The following RIMS2 variants were observed in gnomAD, a reference collection of about 807,000 sequenced individuals.
The protein encoded by RIMS2 is regulating synaptic membrane exocytosis 2, also known as regulating synaptic membrane exocytosis protein 2.
RIMS2 carries 59 observed loss-of-function variants against 174.4 expected under a neutral mutation model. The ratio of observed to expected loss-of-function variants is 0.34; its 90% CI spans 0.27 to 0.42. The LOEUF (loss-of-function observed/expected upper bound fraction) is 0.42. Ranked by LOEUF, RIMS2 falls within the 10% of genes least tolerant of loss-of-function variation. The pLI is 1.00. For synonymous variants in RIMS2, 606 were observed against 572.5 expected (o/e 1.06, Z -0.84); for missense variants, 1,620 against 1,666.3 (o/e 0.97, Z 0.48).
chr8:103,900,017 A>G (rs1448427447), intron 4 of RIMS2, among the ~76,000 whole-genome samples: 1 of 151,654 alleles, frequency 6.6e-6, no homozygotes, highest in Non-Finnish European at 1.5e-5. Flanking sequence ...TTTATCAAAG[A>G]TCAGATAGTT....
At chr8:103,552,853 C>G (rs1294388679) in intron 1 of RIMS2, among the ~76,000 whole-genome samples, 4 of 152,182 alleles carry the variant, frequency 2.6e-5, no homozygotes, top group African/African-American at 9.7e-5. Flanking sequence ...AAATGCTCAT[C>G]ATTACTGGCC....
chr8:103,531,686 T>A (rs1007222589), intron 1 of RIMS2, among the ~76,000 whole-genome samples: 2 of 152,240 alleles, frequency 1.3e-5, no homozygotes, highest in African/African-American at 4.8e-5. Flanking sequence ...AAATTCTAAT[T>A]CAAATGCCTT....
At chr8:103,873,476 C>T (rs1013892509) in intron 3 of RIMS2, among the ~76,000 whole-genome samples, 7 of 151,958 alleles carry the variant, frequency 4.6e-5, no homozygotes, top group African/African-American at 1.7e-4. Context: ...TTTCATGTGT[C>T]GTCTACCTCT....
intron 3 of RIMS2, among the ~76,000 whole-genome samples, chr8:103,855,999 G>C (rs1280276974): frequency 6.6e-6 from 1 of 152,106 alleles, no homozygotes; most frequent in Non-Finnish European, 1.5e-5. Context: ...AAGTCTTTTC[G>C]TAGGCCAAGA....
At chr8:103,709,482 A>G (rs1316198594) in intron 2 of RIMS2, among the ~76,000 whole-genome samples, 1 of 151,906 alleles carries the variant, frequency 6.6e-6, no homozygotes, top group Non-Finnish European at 1.5e-5. Context: ...AGTTACATGG[A>G]AACAGTTTGA....
rs112045896 is a variant in RIMS2, at chr8:103,914,130, A to T, written c.1813-1365A>T. Among the ~76,000 whole-genome samples the T allele has an allele frequency of 1.6e-3, 245 of 152,306 alleles. 1 individual carries two copies. The highest frequency in any genetic ancestry group is 1.8e-3 in the Non-Finnish European group (120 of 68,022). On this transcript the variant is annotated intron_variant, in intron 6 of 23. Transcript: ENST00000504942. ...TTCAGATTTGACCATTTCCAGGGAC[A>T]GTGAGATGTGCCTATAGTCCCAGCT...
chr8:104,101,070 T>A (rs1005894363), intron 19 of RIMS2, among the ~76,000 whole-genome samples: 6 of 143,472 alleles, frequency 4.2e-5, no homozygotes, highest in Non-Finnish European at 7.5e-5. Flanking sequence ...ATATATGTTA[T>A]ATATTATATT....
At chr8:103,964,043 A>G (rs1347644846) in intron 15 of RIMS2, among the ~76,000 whole-genome samples, 1 of 152,138 alleles carries the variant, frequency 6.6e-6, no homozygotes, top group African/African-American at 2.4e-5. Context: ...CATTGTCTGG[A>G]TATACCACAG....
intron 19 of RIMS2, among the ~76,000 whole-genome samples, chr8:104,056,224 A>G (rs1008475751): frequency 1.1e-4 from 17 of 151,914 alleles, no homozygotes; most frequent in South Asian, 6.2e-4. Flanking sequence ...CTAACATGGT[A>G]AAACCCTGAA....
intron 3 of RIMS2, among the ~76,000 whole-genome samples, chr8:103,843,508 TG>T (rs1197870252): frequency 6.6e-6 from 1 of 152,246 alleles, no homozygotes. Flanking sequence ...ATATTGATGA[TG>T]TTTTTTGAGA....
At chr8:104,220,572 T>G (rs1204579973) in intron 19 of RIMS2, among the ~76,000 whole-genome samples, 1 of 152,074 alleles carries the variant, frequency 6.6e-6, no homozygotes, top group East Asian at 1.9e-4. Context: ...AAGTTTTCCA[T>G]GCATCCCCAG....
intron 19 of RIMS2, among the ~76,000 whole-genome samples, chr8:104,125,082 A>G (rs2098417715): frequency 6.6e-6 from 1 of 152,082 alleles, no homozygotes; most frequent in African/African-American, 2.4e-5. Flanking sequence ...AAAGACTAAA[A>G]TCCAAACAGT....
intron 5 of RIMS2, among the ~76,000 whole-genome samples, chr8:103,911,532 A>C (rs868574140): frequency 6.6e-6 from 1 of 152,260 alleles, no homozygotes; most frequent in Middle Eastern, 3.4e-3. Flanking sequence ...TTTAATCTAG[A>C]AACCTATGCA....
chr8:103,857,654 A>AT (rs2099035406), intron 3 of RIMS2, among the ~76,000 whole-genome samples: 1 of 152,192 alleles, frequency 6.6e-6, no homozygotes, highest in Non-Finnish European at 1.5e-5. Flanking sequence ...TAAGTTTATC[A>AT]TACAATTATT....
intron 19 of RIMS2, among the ~76,000 whole-genome samples, chr8:104,130,978 G>A (rs908441063): frequency 6.6e-6 from 1 of 152,118 alleles, no homozygotes; most frequent in Non-Finnish European, 1.5e-5. Context: ...TCAATGTTAC[G>A]CATAGGTCAG....
intron 19 of RIMS2, among the ~76,000 whole-genome samples, chr8:104,114,819 T>A (rs1412194657): frequency 6.6e-6 from 1 of 151,992 alleles, no homozygotes; most frequent in Admixed American, 6.6e-5. Flanking sequence ...TTATAATCAT[T>A]TAAGTTTTTC....
At chr8:103,518,029 A>C (rs1213592778) in intron 1 of RIMS2, among the ~76,000 whole-genome samples, 3 of 152,000 alleles carry the variant, frequency 2.0e-5, no homozygotes, top group Non-Finnish European at 2.9e-5. Context: ...GGCTCAATCT[A>C]GATGTTTATG....
chr8:103,889,608 T>C (rs1459582966), intron 4 of RIMS2, among the ~76,000 whole-genome samples: 4 of 151,678 alleles, frequency 2.6e-5, no homozygotes, highest in African/African-American at 9.7e-5. Context: ...TCCTTGGAAA[T>C]TGGTAGCGAG....
At chr8:104,145,944 G>A (rs1489240670) in intron 19 of RIMS2, among the ~76,000 whole-genome samples, 3 of 151,706 alleles carry the variant, frequency 2.0e-5, no homozygotes, top group South Asian at 4.2e-4. Flanking sequence ...AGAAAGAAAA[G>A]GAACCCTCGC....
Sources: allele counts gnomAD v4.1 joint callset (sites outside exome capture counted in the v4.1 genomes callset), GRCh38; gene constraint gnomAD v4.1.1; transcripts MANE v1.5; gene names NCBI Gene and HGNC (gene_info 2026-07-23, HGNC 2026-07-21).